Variants in AKR1C3 observed in about 807,000 individuals in gnomAD.
The protein encoded by AKR1C3 is 3-alpha hydroxysteroid dehydrogenase, type II.
Under a neutral mutation model 43.6 loss-of-function variants are expected in AKR1C3, and 48 were observed. That is an observed-to-expected ratio of 1.10 (90% CI 0.87 to 1.40). AKR1C3 has a LOEUF of 1.40. Ranked by LOEUF, AKR1C3 falls within the 40% of genes most tolerant of loss-of-function variation. The probability of loss-of-function intolerance (pLI) is 0.00; values close to 1 mark genes in which losing one functional copy is unlikely to be tolerated. For missense variants in AKR1C3, 482 were observed against 391.2 expected, an observed-to-expected ratio of 1.23 and a Z score of -1.96; for synonymous variants, 162 against 139.6, an observed-to-expected ratio of 1.16 and a Z score of -1.13.
At position 5,076,771 on chromosome 10, in the gene AKR1C3, A is replaced by T. The variant is rs578233801; in HGVS notation, c.85-19639A>T. Reference sequence around the variant, plus strand: ...CACTTGATTCCTCACTGTCATGCATAGAGCTCTGTCTGGGGGAAGTTCTCC... The same window carrying T: ...CACTTGATTCCTCACTGTCATGCATTGAGCTCTGTCTGGGGGAAGTTCTCC... On this transcript the variant is annotated intron_variant, in intron 1 of 8. Coordinates refer to the AKR1C3 transcript ENST00000439082. Among the ~76,000 whole-genome samples the T allele has an allele frequency of 9.2e-5, 14 of 152,296 alleles. No individual in the cohort carries two copies. The South Asian group carries it at 2.7e-3, about 29-fold the overall frequency.
intron 8 of AKR1C3, among the ~76,000 whole-genome samples, chr10:5,107,177 A>C (rs1839526794): frequency 6.6e-6 from 1 of 152,232 alleles, no homozygotes; most frequent in African/African-American, 2.4e-5. Context: ...AAGAAAGTAT[A>C]ATCAGAGTAT....
At chr10:5,094,132 C>G (rs112951673), upstream of AKR1C3, 1 of 197,538 alleles carries the variant, frequency 5.1e-6, no homozygotes, top group Non-Finnish European at 1.0e-5. Context: ...GCTATTTGTT[C>G]TACAAATCCT....
intron 1 of AKR1C3, among the ~76,000 whole-genome samples, chr10:5,058,259 A>G (rs554223937): frequency 3.3e-5 from 5 of 152,276 alleles, no homozygotes; most frequent in South Asian, 2.1e-4. Context: ...TTCTCCTTCA[A>G]TGAAAAGAAA....
At chr10:5,077,115 C>A (rs1182648767) in intron 1 of AKR1C3, among the ~76,000 whole-genome samples, 1 of 151,922 alleles carries the variant, frequency 6.6e-6, no homozygotes, top group Non-Finnish European at 1.5e-5. Context: ...AAAGAACATT[C>A]GTGGTGGTTT....
intron 1 of AKR1C3, among the ~76,000 whole-genome samples, chr10:5,056,439 C>G (rs991997019): frequency 2.0e-5 from 3 of 152,212 alleles, no homozygotes; most frequent in Non-Finnish European, 4.4e-5. Context: ...AGATCTTGCA[C>G]TAGTCTCCAC....
rs541771695 is a variant in AKR1C3 at position 5,098,940 on chromosome 10, G to T, written c.447+61G>T. 1.7e-3 allele frequency: 2,391 copies of T among 1,377,320 alleles called. 4 individuals are homozygous for T. Among genetic ancestry groups the T allele is most frequent in the Non-Finnish European group, 2.3e-3 (2,234 of 983,916 alleles). The allele number at this position is 1,377,320 out of a possible 1,614,324, so 85.3% of individuals were successfully genotyped here. A position where few individuals can be genotyped will look rare whatever the true frequency, so the allele number is the denominator to read the frequency against. On this transcript the variant is annotated intron_variant, in intron 4 of 8. Coordinates refer to ENST00000380554, the MANE Select transcript of AKR1C3 (RefSeq NM_003739.6). ...ACAAAAAGAGAAAATCTGTTTCCCA[G>T]GTTCAATAGGAAAGAATGGAATATG...
intron 1 of AKR1C3, among the ~76,000 whole-genome samples, chr10:5,085,944 C>G (rs369010605): frequency 6.6e-6 from 1 of 151,544 alleles, no homozygotes; most frequent in Non-Finnish European, 1.5e-5. Flanking sequence ...TTTTTTATTG[C>G]GTCTATTTGA....
intron 1 of AKR1C3, among the ~76,000 whole-genome samples, chr10:5,076,392 T>C (rs947551700): frequency 7.1e-6 from 1 of 141,328 alleles, no homozygotes; most frequent in African/African-American, 2.7e-5. Context: ...AAAAGTTGAG[T>C]TTGTTCTCTC....
intron 8 of AKR1C3, 46 bp downstream of exon 8, chr10:5,105,723 G>GGAAT (rs781861417): frequency 6.8e-7 from 1 of 1,471,084 alleles, no homozygotes; most frequent in Admixed American, 1.8e-5. Context: ...TTCTGGAGAA[G>GGAAT]GAATGTAGGA....
rs1406943359 is a variant in AKR1C3, at chr10:5,063,764, G to GAAAAAAAAAA, written c.84+14869_84+14870insAAAAAAAAAA. ...GAGGACAGAGGTAGTCTCTGTCTCA[G>GAAAAAAAAAA]CAAAAAAAAAAAAAAAAAAAAAAAA... On this transcript the variant is annotated intron_variant, in intron 1 of 8. Coordinates refer to the AKR1C3 transcript ENST00000439082. Among the ~76,000 whole-genome samples the GAAAAAAAAAA allele has an allele frequency of 1.5e-3, 51 of 33,430 alleles. 8 individuals are homozygous for GAAAAAAAAAA. Among genetic ancestry groups the GAAAAAAAAAA allele is most frequent in the Middle Eastern group, 0.018 (1 of 56 alleles). 21.9% of individuals were successfully genotyped at this position (33,430 alleles called of 152,430 possible).
At chr10:5,095,915 G>A (rs1043767778) in intron 1 of AKR1C3, among the ~76,000 whole-genome samples, 43 of 152,208 alleles carry the variant, frequency 2.8e-4, no homozygotes, top group African/African-American at 1.0e-3. Context: ...TTGGGTCGAT[G>A]TAACTAGCAT....
intron 1 of AKR1C3, among the ~76,000 whole-genome samples, chr10:5,054,952 G>A (rs976132565): frequency 6.6e-6 from 1 of 152,124 alleles, no homozygotes; most frequent in South Asian, 2.1e-4. Flanking sequence ...ATTTCCTTAT[G>A]GTATTTAATG....
chr10:5,072,727 G>T (rs543808056), intron 1 of AKR1C3, among the ~76,000 whole-genome samples: 1 of 152,270 alleles, frequency 6.6e-6, no homozygotes, highest in African/African-American at 2.4e-5. Flanking sequence ...CAATTACCAG[G>T]TGAATTTAGG....
intron 1 of AKR1C3, among the ~76,000 whole-genome samples, chr10:5,074,515 C>T (rs546364428): frequency 2.1e-4 from 32 of 152,294 alleles, no homozygotes; most frequent in South Asian, 1.0e-3. Context: ...GATTAACTGA[C>T]GGTCTGACAT....
chr10:5,091,323 AAATT>A (rs1554784150), upstream of AKR1C3, among the ~76,000 whole-genome samples: 1 of 152,118 alleles, frequency 6.6e-6, no homozygotes, highest in African/African-American at 2.4e-5. Flanking sequence ...GAAACACCAC[AAATT>A]AATTTTCTCG....
chr10:5,106,837 T>A (rs1296018271), intron 8 of AKR1C3, among the ~76,000 whole-genome samples: 1 of 152,026 alleles, frequency 6.6e-6, no homozygotes, highest in East Asian at 1.9e-4. Flanking sequence ...TGAAAAAGCA[T>A]AAGTACAGTG....
At chr10:5,092,120 C>T (rs1474904784), upstream of AKR1C3, among the ~76,000 whole-genome samples, 1 of 152,050 alleles carries the variant, frequency 6.6e-6, no homozygotes, top group East Asian at 1.9e-4. Flanking sequence ...CTATTACATC[C>T]TTCAAATTGT....
intron 1 of AKR1C3, among the ~76,000 whole-genome samples, chr10:5,085,202 A>G (rs1157610464): frequency 4.4e-4 from 67 of 152,062 alleles, no homozygotes; most frequent in Admixed American, 2.6e-3. Flanking sequence ...GTATGATATT[A>G]GCTGTGGGTT....
At position 5,107,647 on chromosome 10, in the gene AKR1C3, T is replaced by C. The variant is rs186289644; in HGVS notation, c.*144T>C. On this transcript the variant is annotated 3_prime_UTR_variant, in exon 9 of 9. Transcript: ENST00000380554. ...CTTCAGTCAACTACAGCTGAGTCCATAGGCCAGAAAGACAATAAATTTTTA... is the reference window on the plus strand; with the variant it reads ...CTTCAGTCAACTACAGCTGAGTCCACAGGCCAGAAAGACAATAAATTTTTA... 193 of 611,720 alleles carry C rather than the reference T, an allele frequency of 3.2e-4. 1 individual carries two copies. The highest frequency in any genetic ancestry group is 5.1e-4 in the Non-Finnish European group (175 of 344,972). The allele number at this position is 611,720 out of a possible 1,614,324, so 37.9% of individuals were successfully genotyped here. A position where few individuals can be genotyped will look rare whatever the true frequency, so the allele number is the denominator to read the frequency against.
Sources: gnomAD v4.1 joint callset for allele counts (sites outside exome capture counted in the v4.1 genomes callset) on GRCh38, gnomAD v4.1.1 for gene constraint, MANE v1.5 for transcripts, NCBI Gene and HGNC (gene_info 2026-07-23, HGNC 2026-07-21) for gene names.